UBE2E2: variants seen among roughly 807,000 people sequenced by gnomAD.
UBE2E2 encodes the protein ubiquitin-conjugating enzyme E2 E2.
A neutral mutation model predicts 24.7 loss-of-function variants in UBE2E2; 6 were observed. That is an observed-to-expected ratio of 0.24 (90% CI 0.13 to 0.48). The LOEUF (loss-of-function observed/expected upper bound fraction) is 0.48. Ranked by LOEUF, UBE2E2 falls within the 20% of genes least tolerant of loss-of-function variation. The pLI is 0.99. For synonymous variants in UBE2E2, 104 were observed against 83.6 expected, an observed-to-expected ratio of 1.24 and a Z score of -1.33; for missense variants, 169 against 245.0, an observed-to-expected ratio of 0.69 and a Z score of 2.07.
intron 3 of UBE2E2, among the ~76,000 whole-genome samples, chr3:23,284,688 T>C (rs538847593): frequency 8.5e-5 from 13 of 152,062 alleles, no homozygotes; most frequent in Admixed American, 8.5e-4. Context: ...AATTTTGTTT[T>C]GGTGGGTACA....
chr3:23,300,673 C>G (rs1053213848), intron 3 of UBE2E2, among the ~76,000 whole-genome samples: 1 of 152,140 alleles, frequency 6.6e-6, no homozygotes, highest in Non-Finnish European at 1.5e-5. Context: ...TGATGGGCTT[C>G]CCTTTGTGGG....
At chr3:23,506,599 C>A (rs995562359) in intron 4 of UBE2E2, among the ~76,000 whole-genome samples, 53 of 152,284 alleles carry the variant, frequency 3.5e-4, no homozygotes, top group Admixed American at 3.1e-3. Flanking sequence ...TGGAAATCTC[C>A]TATGTGGTCT....
intron 3 of UBE2E2, among the ~76,000 whole-genome samples, chr3:23,417,167 T>G (rs1044847496): frequency 6.6e-6 from 1 of 152,194 alleles, no homozygotes; most frequent in African/African-American, 2.4e-5. Flanking sequence ...TTTGTGCTGG[T>G]TTTTCCTCAT....
chr3:23,274,549 A>G (rs747488993), intron 3 of UBE2E2, among the ~76,000 whole-genome samples: 58 of 151,450 alleles, frequency 3.8e-4, no homozygotes, highest in African/African-American at 1.3e-3. Context: ...TTTTATAGAG[A>G]TGGAGTTTCT....
At chr3:23,587,801 G>T (rs1285788054) in intron 5 of UBE2E2, among the ~76,000 whole-genome samples, 1 of 152,194 alleles carries the variant, frequency 6.6e-6, no homozygotes, top group African/African-American at 2.4e-5. Context: ...TGGGTGAAAT[G>T]GTAGAGTTTT....
At chr3:23,234,521 T>G (rs1697054438) in intron 3 of UBE2E2, among the ~76,000 whole-genome samples, 1 of 152,188 alleles carries the variant, frequency 6.6e-6, no homozygotes, top group African/African-American at 2.4e-5. Flanking sequence ...GCCTGCATTT[T>G]AGTAAGCACA....
chr3:23,478,420 A>G (rs1699184213), intron 3 of UBE2E2, among the ~76,000 whole-genome samples: 1 of 152,230 alleles, frequency 6.6e-6, no homozygotes, highest in South Asian at 2.1e-4. Flanking sequence ...TATGACAATT[A>G]GAGAGTGATA....
chr3:23,577,330 T>TA (rs111540597), intron 5 of UBE2E2, among the ~76,000 whole-genome samples: 199 of 144,008 alleles, frequency 1.4e-3, no homozygotes, highest in Admixed American at 4.1e-3. Context: ...AGGAATGATT[T>TA]AAAAAAAAAA....
intron 3 of UBE2E2, among the ~76,000 whole-genome samples, chr3:23,246,375 C>T (rs2125341869): frequency 6.6e-6 from 1 of 151,106 alleles, no homozygotes; most frequent in Admixed American, 6.6e-5. Flanking sequence ...CGCCCGCCAC[C>T]ATGCCTGGCT....
Position 23,216,086 on chromosome 3 carries a change from G to A in UBE2E2, c.177-1176G>A, listed in dbSNP as rs557418014. 6.6e-5 allele frequency among the ~76,000 whole-genome samples: 10 copies of A among 152,272 alleles called. No homozygotes were observed. In the South Asian group the frequency reaches 2.1e-3, roughly 32 times the overall value. On this transcript the variant is annotated intron_variant, in intron 2 of 5. Transcript: ENST00000396703. Reference sequence around the variant, plus strand: ...AGGGAGAGAGAGCAAGCATGTGTGAGCAGTATTCTTGCTCAGGGACTCAAT... The same window carrying A: ...AGGGAGAGAGAGCAAGCATGTGTGAACAGTATTCTTGCTCAGGGACTCAAT...
intron 3 of UBE2E2, among the ~76,000 whole-genome samples, chr3:23,241,657 T>C (rs894766734): frequency 6.6e-6 from 1 of 152,158 alleles, no homozygotes; most frequent in African/African-American, 2.4e-5. Flanking sequence ...CTCCGCTTTT[T>C]CTTTCCGTAG....
chr3:23,333,728 G>T (rs116109083), intron 3 of UBE2E2, among the ~76,000 whole-genome samples: 1 of 151,966 alleles, frequency 6.6e-6, no homozygotes, highest in Admixed American at 6.6e-5. Context: ...GTAGTAGTTC[G>T]CAGTGTAGAA....
At chr3:23,440,600 A>G (rs2125407581) in intron 3 of UBE2E2, among the ~76,000 whole-genome samples, 1 of 152,302 alleles carries the variant, frequency 6.6e-6, no homozygotes, top group African/African-American at 2.4e-5. Flanking sequence ...CAGCCAAACA[A>G]ATCTGTCAGG....
intron 4 of UBE2E2, among the ~76,000 whole-genome samples, chr3:23,516,518 T>C (rs1432504410): frequency 6.6e-6 from 1 of 152,204 alleles, no homozygotes; most frequent in Non-Finnish European, 1.5e-5. Flanking sequence ...CAGTATAAAG[T>C]AAGCAGATGT....
At chr3:23,577,301 GTGCTAC>G (rs1419902298) in intron 5 of UBE2E2, among the ~76,000 whole-genome samples, 1 of 150,404 alleles carries the variant, frequency 6.6e-6, no homozygotes, top group Non-Finnish European at 1.5e-5. Flanking sequence ...AAAATACAAA[GTGCTAC>G]TTTGATGAAC....
At chr3:23,558,245 A>C (rs1279215417) in intron 5 of UBE2E2, among the ~76,000 whole-genome samples, 1 of 152,192 alleles carries the variant, frequency 6.6e-6, no homozygotes, top group Non-Finnish European at 1.5e-5. Context: ...TTTCATTCTC[A>C]GTCCTCAAGA....
At chr3:23,296,995 G>T (rs942573703) in intron 3 of UBE2E2, among the ~76,000 whole-genome samples, 2 of 152,104 alleles carry the variant, frequency 1.3e-5, no homozygotes, top group Non-Finnish European at 2.9e-5. Flanking sequence ...TTTAATGATT[G>T]CCATTCTAAC....
chr3:23,319,673 G>GTCGC (rs1694688815), intron 3 of UBE2E2, among the ~76,000 whole-genome samples: 41 of 136,390 alleles, frequency 3.0e-4, no homozygotes, highest in African/African-American at 1.0e-3. Context: ...AAATTAGCTG[G>GTCGC]ATGTGGTGGC....
intron 4 of UBE2E2, among the ~76,000 whole-genome samples, chr3:23,526,491 G>C (rs527819005): frequency 2.0e-5 from 3 of 152,280 alleles, no homozygotes; most frequent in South Asian, 2.1e-4. Context: ...GGCTCTTTAT[G>C]TATGCCAGGC....
Sources: gnomAD v4.1 joint callset for allele counts (sites outside exome capture counted in the v4.1 genomes callset) on GRCh38, gnomAD v4.1.1 for gene constraint, MANE v1.5 for transcripts, NCBI Gene and HGNC (gene_info 2026-07-23, HGNC 2026-07-21) for gene names.